ABI1: variants seen among roughly 807,000 people sequenced by gnomAD.
ABI1 encodes the protein abl interactor 1, also known as Abelson interactor 1.
ABI1 carries 14 observed loss-of-function variants against 54.6 expected under a neutral mutation model. That is an observed-to-expected ratio of 0.26 (90% CI 0.17 to 0.40). The LOEUF is 0.40. Among genes scored for constraint, ABI1 ranks in the 10% least tolerant of loss-of-function variants. ABI1 has a pLI of 1.00. For synonymous variants in ABI1, 194 were observed against 209.3 expected (o/e 0.93, Z 0.63); for missense variants, 443 against 598.3 (o/e 0.74, Z 2.71).
At chr10:26,794,329 G>GAT (rs1843846860) in intron 2 of ABI1, among the ~76,000 whole-genome samples, 1 of 152,020 alleles carries the variant, frequency 6.6e-6, no homozygotes, top group South Asian at 2.1e-4. Flanking sequence ...CAGGAGAATT[G>GAT]CTTAAGGAGG....
At chr10:26,852,362 C>T (rs1334557580) in intron 1 of ABI1, among the ~76,000 whole-genome samples, 1 of 152,034 alleles carries the variant, frequency 6.6e-6, no homozygotes, top group African/African-American at 2.4e-5. Context: ...CCCTGTAATC[C>T]CAGCTACTCA....
chr10:26,819,804 T>C (rs559034439), intron 2 of ABI1, among the ~76,000 whole-genome samples: 180 of 152,320 alleles, frequency 1.2e-3, no homozygotes, highest in Middle Eastern at 3.4e-3. Context: ...GATATACATA[T>C]ACATTTATTT....
chr10:26,842,369 C>G (rs527270448), intron 1 of ABI1, among the ~76,000 whole-genome samples: 117 of 152,260 alleles, frequency 7.7e-4, no homozygotes, highest in Middle Eastern at 3.4e-3. Context: ...TTTTCCCAGA[C>G]CATAGGTTGT....
intron 2 of ABI1, among the ~76,000 whole-genome samples, chr10:26,810,405 T>C (rs2047154786): frequency 6.6e-6 from 1 of 152,104 alleles, no homozygotes; most frequent in Admixed American, 6.6e-5. Flanking sequence ...AGAAAAATTA[T>C]CTTAAAAAAA....
intron 2 of ABI1, among the ~76,000 whole-genome samples, chr10:26,810,511 G>A (rs1031217193): frequency 1.2e-4 from 18 of 152,178 alleles, no homozygotes; most frequent in African/African-American, 3.6e-4. Flanking sequence ...CTCAGGGATC[G>A]GCAAACTTTT....
chr10:26,824,610 GA>G (rs35745137), intron 1 of ABI1, among the ~76,000 whole-genome samples: 17 of 146,660 alleles, frequency 1.2e-4, no homozygotes, highest in African/African-American at 1.8e-4. Context: ...TTGCTAAGGT[GA>G]AAAAAAAAAT....
chr10:26,843,331 G>A (rs2049677730), intron 1 of ABI1, among the ~76,000 whole-genome samples: 1 of 149,444 alleles, frequency 6.7e-6, no homozygotes, highest in Admixed American at 6.7e-5. Context: ...GCATGCACCT[G>A]TAGTCCCAGA....
chr10:26,795,892 A>T (rs1435544190), intron 2 of ABI1, among the ~76,000 whole-genome samples: 1 of 152,210 alleles, frequency 6.6e-6, no homozygotes, highest in African/African-American at 2.4e-5. Context: ...TAGAAAAAAC[A>T]ATCCTAAAAT....
At chr10:26,791,516 A>T (rs182433128) in intron 2 of ABI1, among the ~76,000 whole-genome samples, 3 of 152,304 alleles carry the variant, frequency 2.0e-5, no homozygotes, top group Non-Finnish European at 4.4e-5. Context: ...CAGAGATTTT[A>T]AAGGTTCTAA....
Position 26,813,930 on chromosome 10 carries a change from C to T in ABI1, c.285+9208G>A, listed in dbSNP as rs12246527. Among the ~76,000 whole-genome samples the T allele has an allele frequency of 1.0e-2, 1,517 of 152,162 alleles. 20 individuals are homozygous for T. Among genetic ancestry groups the T allele is most frequent in the African/African-American group, 0.034 (1,404 of 41,500 alleles). Reference sequence around the variant, plus strand: ...AGATCTACCCAATGAATCCAAAGCCCACGTAGATCCTCAATAATTTAAGAT... The same window carrying T: ...AGATCTACCCAATGAATCCAAAGCCTACGTAGATCCTCAATAATTTAAGAT... On this transcript the variant is annotated intron_variant, in intron 2 of 10. Coordinates refer to ENST00000376140, the MANE Select transcript of ABI1 (RefSeq NM_001012750.3).
At chr10:26,771,387 C>T (rs1840667914) in intron 3 of ABI1, among the ~76,000 whole-genome samples, 1 of 152,102 alleles carries the variant, frequency 6.6e-6, no homozygotes, top group Admixed American at 6.5e-5. Flanking sequence ...ACTAATCCAA[C>T]CGAGTAACAG....
At chr10:26,754,978 G>A (rs1385870940) in intron 9 of ABI1, among the ~76,000 whole-genome samples, 5 of 151,976 alleles carry the variant, frequency 3.3e-5, no homozygotes, top group Admixed American at 6.5e-5. Flanking sequence ...AACTTCATTC[G>A]AGAGAAGATC....
intron 9 of ABI1, among the ~76,000 whole-genome samples, chr10:26,754,012 CT>C (rs1837961939): frequency 2.0e-5 from 3 of 152,170 alleles, no homozygotes; most frequent in African/African-American, 7.2e-5. Flanking sequence ...AAATTATTTC[CT>C]AATAATTCTT....
chr10:26,807,605 TC>T (rs1439120223), intron 2 of ABI1, among the ~76,000 whole-genome samples: 17 of 152,198 alleles, frequency 1.1e-4, no homozygotes, highest in African/African-American at 3.9e-4. Context: ...TGCAGTTCGC[TC>T]CACACACAGC....
At chr10:26,827,781 C>A (rs1038476594) in intron 1 of ABI1, among the ~76,000 whole-genome samples, 4 of 151,908 alleles carry the variant, frequency 2.6e-5, no homozygotes, top group Non-Finnish European at 5.9e-5. Context: ...TTAGTAGAGA[C>A]AGGGTTTTGC....
At chr10:26,857,051 G>A (rs1386966383) in intron 1 of ABI1, among the ~76,000 whole-genome samples, 1 of 152,096 alleles carries the variant, frequency 6.6e-6, no homozygotes, top group East Asian at 1.9e-4. Context: ...CAGGCATGGT[G>A]GCTCACACCT....
intron 2 of ABI1, among the ~76,000 whole-genome samples, chr10:26,814,690 C>G (rs1174664520): frequency 1.4e-5 from 2 of 146,112 alleles, no homozygotes; most frequent in Non-Finnish European, 3.0e-5. Flanking sequence ...ATTACTTCAC[C>G]AAGGAAAGCT....
chr10:26,844,958 C>A (rs11015337), intron 1 of ABI1, among the ~76,000 whole-genome samples: 38,862 of 152,002 alleles, frequency 0.26, 5,634 homozygotes, highest in South Asian at 0.44. Context: ...CAATCCATCC[C>A]GTACCAATGT....
intron 2 of ABI1, among the ~76,000 whole-genome samples, chr10:26,784,402 A>G (rs530823027): frequency 6.6e-6 from 1 of 152,210 alleles, no homozygotes; most frequent in Non-Finnish European, 1.5e-5. Flanking sequence ...GACTGCCTTC[A>G]GGCCATCTCT....
Sources: allele counts gnomAD v4.1 joint callset (sites outside exome capture counted in the v4.1 genomes callset), GRCh38; gene constraint gnomAD v4.1.1; transcripts MANE v1.5; gene names NCBI Gene and HGNC (gene_info 2026-07-23, HGNC 2026-07-21).